AK7: variants seen among roughly 807,000 people sequenced by gnomAD.
The protein encoded by AK7 is adenylate kinase 7, also known as ATP-AMP transphosphorylase 7.
Under a neutral mutation model 96.6 loss-of-function variants are expected in AK7, and 78 were observed. The observed-to-expected ratio is 0.81, with a 90% confidence interval of 0.67 to 0.97. The LOEUF is 0.97. Ranked by LOEUF, AK7 falls within the 50% of genes least tolerant of loss-of-function variation. The pLI is 0.00. For synonymous variants in AK7, 302 were observed against 317.2 expected, an observed-to-expected ratio of 0.95 and a Z score of 0.51; for missense variants, 855 against 887.9, an observed-to-expected ratio of 0.96 and a Z score of 0.47.
rs1447935204 is a variant in AK7 at position 96,404,774 on chromosome 14, C to T, written c.312C>T (p.Asp104=). Residue 104 remains aspartate (D), a synonymous_variant, in exon 3 of 18, where the codon GAC becomes GAT. Coordinates refer to ENST00000267584, the MANE Select transcript of AK7 (RefSeq NM_152327.5). ...TTTTTCAGGCCATCTCTCGAGAAGA[C>T]CTTCTCATGCGCCTGCTGGAGTGTG... ...VETYSAISRE[D]LLMRLLECDV... 3 of 1,605,542 alleles carry T rather than the reference C, an allele frequency of 1.9e-6. No homozygotes were observed. In the East Asian group the frequency reaches 6.7e-5, roughly 36 times the overall value.
chr14:96,466,163 T>C (rs973219930), intron 12 of AK7, among the ~76,000 whole-genome samples: 1 of 151,514 alleles, frequency 6.6e-6, no homozygotes, highest in Admixed American at 6.6e-5. Context: ...TCTCCTGGAC[T>C]CAAACAATCC....
At chr14:96,433,423 C>T (rs1377302951) in intron 5 of AK7, among the ~76,000 whole-genome samples, 1 of 152,066 alleles carries the variant, frequency 6.6e-6, no homozygotes, top group African/African-American at 2.4e-5. Context: ...ATTAATCTGA[C>T]CTTCAATCAC....
rs1386524872 is a variant in AK7, at chr14:96,449,385, TA to T, written c.871-410del. The stretch of plus-strand genomic sequence containing the variant: ...TCCACTACTTGGCACTAATGCTATT[TA>T]AAAAAATTCAATTATGTTCACATTC... On this transcript the variant is annotated intron_variant, in intron 8 of 17. Coordinates refer to ENST00000267584, the MANE Select transcript of AK7 (RefSeq NM_152327.5). 3.3e-5 allele frequency among the ~76,000 whole-genome samples: 5 copies of T among 152,266 alleles called. No individual in the cohort carries two copies. In the East Asian group the frequency reaches 9.6e-4, roughly 29 times the overall value.
intron 6 of AK7, among the ~76,000 whole-genome samples, 199 bp downstream of exon 6, chr14:96,438,114 GA>G (rs1181579147): frequency 2.0e-5 from 3 of 152,152 alleles, no homozygotes; most frequent in African/African-American, 7.2e-5. Flanking sequence ...AAATAATAAT[GA>G]AAAAGACGTA....
At chr14:96,456,216 A>C in intron 10 of AK7, 131 bp from the exon 11 acceptor site, 1 of 1,016,146 alleles carries the variant, frequency 9.8e-7, no homozygotes, top group East Asian at 2.8e-5. Context: ...CAGCCCGAGC[A>C]ACAGAGTGAG....
chr14:96,482,977 ATC>A lies in AK7; in HGVS notation c.1754-15_1754-14del, dbSNP rs772725488. 1 of 1,611,976 alleles carries A rather than the reference ATC, an allele frequency of 6.2e-7. No homozygotes were observed. Among genetic ancestry groups the A allele is most frequent in the Non-Finnish European group, 8.5e-7 (1 of 1,178,228 alleles). On this transcript the variant is annotated intron_variant, in intron 15 of 17. Transcript: ENST00000267584. ...AGGCCTAGAATATAAGTATGTGTTG[ATC>A]TCTCTCCTGGTATTTAAAGATGTAG...
At chr14:96,419,784 C>CTTTCTTTTTTT (rs1891563684) in intron 4 of AK7, among the ~76,000 whole-genome samples, 8 of 101,692 alleles carry the variant, frequency 7.9e-5, no homozygotes, top group African/African-American at 3.3e-4. Context: ...TTTTTTCTTT[C>CTTTCTTTTTTT]TTTTCTTTTT....
rs139157500 is a variant in AK7, at chr14:96,464,036, G to A, written c.1357+5824G>A. Among the ~76,000 whole-genome samples the A allele has an allele frequency of 3.6e-3, 545 of 152,090 alleles. 6 individuals carry two copies. Among genetic ancestry groups the A allele is most frequent in the African/African-American group, 0.012 (512 of 41,506 alleles). On this transcript the variant is annotated intron_variant, in intron 12 of 17. Transcript: ENST00000267584. The stretch of plus-strand genomic sequence containing the variant: ...CCAGGAGCAGGTTCTTAGATCTCAC[G>A]CAGGAAAAAATTGAGGGTGAGCCAC...
At chr14:96,463,623 G>A (rs1894388597) in intron 12 of AK7, among the ~76,000 whole-genome samples, 1 of 150,816 alleles carries the variant, frequency 6.6e-6, no homozygotes, top group Admixed American at 6.6e-5. Context: ...GGGAGGCTGA[G>A]GCAGGAGAAT....
intron 7 of AK7, among the ~76,000 whole-genome samples, chr14:96,444,858 C>T (rs1384971848): frequency 6.6e-6 from 1 of 152,132 alleles, no homozygotes; most frequent in Non-Finnish European, 1.5e-5. Context: ...GCTGGGACTA[C>T]AGGCGCCGGC....
At chr14:96,475,753 C>A (rs1439820503) in intron 14 of AK7, among the ~76,000 whole-genome samples, 1 of 152,076 alleles carries the variant, frequency 6.6e-6, no homozygotes, top group African/African-American at 2.4e-5. Flanking sequence ...AGGAGGATTG[C>A]TTGAGTCCAG....
intron 14 of AK7, among the ~76,000 whole-genome samples, chr14:96,476,248 G>A (rs1005392647): frequency 6.6e-6 from 1 of 152,158 alleles, no homozygotes. Flanking sequence ...GCTCACACCT[G>A]TAATCCCAGC....
intron 5 of AK7, among the ~76,000 whole-genome samples, chr14:96,429,734 A>C (rs571868976): frequency 6.6e-6 from 1 of 152,272 alleles, no homozygotes; most frequent in Non-Finnish European, 1.5e-5. Context: ...ATTCCAAATG[A>C]GAGTTCACTC....
intron 9 of AK7, among the ~76,000 whole-genome samples, chr14:96,450,571 A>AC (rs200256486): frequency 2.1e-4 from 8 of 37,880 alleles, no homozygotes; most frequent in South Asian, 9.2e-4. Flanking sequence ...CATCACAACA[A>AC]AAAAAAAAAA....
In AK7 at chr14:96,477,153, T is replaced by G. The variant is rs532734182; in HGVS notation, c.1556-1312T>G. On this transcript the variant is annotated intron_variant, in intron 14 of 17. Coordinates refer to ENST00000267584, the MANE Select transcript of AK7 (RefSeq NM_152327.5). ...ACAACTTACTTGCGAAAACACCTCT[T>G]GTATGCAGAATGGAGGTAGTATCAA... is the stretch of plus-strand genomic sequence containing the variant. Among the ~76,000 whole-genome samples the G allele has an allele frequency of 9.2e-5, 14 of 152,324 alleles. No individual in the cohort carries two copies. The East Asian group carries it at 2.5e-3, about 27-fold the overall frequency.
At chr14:96,404,967 A>C (rs987766948) in intron 3 of AK7, 102 bp downstream of exon 3, 6 of 680,692 alleles carry the variant, frequency 8.8e-6, no homozygotes, top group Non-Finnish European at 1.4e-5. Context: ...GGCTATAGAA[A>C]AACTGGTCTG....
chr14:96,457,917 G>A (rs1393629012), intron 11 of AK7, among the ~76,000 whole-genome samples, 166 bp from the exon 12 acceptor site: 1 of 152,188 alleles, frequency 6.6e-6, no homozygotes, highest in Non-Finnish European at 1.5e-5. Context: ...AGGATCTCAT[G>A]TGTCTTTGTG....
At chr14:96,470,114 G>A (rs923990909) in intron 12 of AK7, among the ~76,000 whole-genome samples, 11 of 151,812 alleles carry the variant, frequency 7.2e-5, no homozygotes, top group South Asian at 6.2e-4. Flanking sequence ...CACCGCGCCC[G>A]CCCGGGAGAG....
intron 9 of AK7, 124 bp downstream of exon 9, chr14:96,450,003 G>A: frequency 1.4e-6 from 1 of 731,638 alleles, no homozygotes. Flanking sequence ...TTTGGAGTCA[G>A]AAGGCCTGGG....
Sources: allele counts gnomAD v4.1 joint callset (sites outside exome capture counted in the v4.1 genomes callset), GRCh38; gene constraint gnomAD v4.1.1; transcripts MANE v1.5; gene names NCBI Gene and HGNC (gene_info 2026-07-23, HGNC 2026-07-21).